The following SLC25A16 variants were observed in gnomAD, a reference collection of about 807,000 sequenced individuals.
The protein encoded by SLC25A16 is mitochondrial coenzyme A transporter SLC25A16.
SLC25A16 carries 39 observed loss-of-function variants against 41.5 expected under a neutral mutation model. The observed-to-expected ratio is 0.94, with a 90% CI of 0.73 to 1.23. The LOEUF is 1.23. SLC25A16 is among the 50% of genes most tolerant of loss of function. The pLI is 0.00. For missense variants in SLC25A16, 421 were observed against 426.9 expected (o/e 0.99, Z 0.12); for synonymous variants, 146 against 147.8 (o/e 0.99, Z 0.09).
chr10:68,509,857 C>A (rs1294044653), intron 2 of SLC25A16, among the ~76,000 whole-genome samples: 1 of 151,656 alleles, frequency 6.6e-6, no homozygotes, highest in South Asian at 2.1e-4. Flanking sequence ...CTTTGGGAGG[C>A]CAAGGCAGGC....
Position 68,527,409 on chromosome 10 carries a change from C to A in SLC25A16, c.-34G>T. On this transcript the variant is annotated 5_prime_UTR_variant, in exon 1 of 9. Transcript: ENST00000609923. Reference sequence around the variant, plus strand: ...GGGTCGCGTCAGGAGCCTAGGTTGCCAACTTACAGAACACCGGACGGGACC... The same window carrying A: ...GGGTCGCGTCAGGAGCCTAGGTTGCAAACTTACAGAACACCGGACGGGACC... 6.9e-7 allele frequency: 1 copy of A among 1,445,732 alleles called. No individual in the cohort carries two copies. Among genetic ancestry groups the A allele is most frequent in the South Asian group, 1.4e-5 (1 of 69,850 alleles). 89.6% of individuals were successfully genotyped at this position (1,445,732 alleles called of 1,614,324 possible).
chr10:68,506,839 A>C, intron 2 of SLC25A16, 121 bp from the exon 3 acceptor site: 1 of 547,828 alleles, frequency 1.8e-6, no homozygotes, highest in Non-Finnish European at 3.0e-6. Context: ...TTGAGGGATT[A>C]CATGAATAGT....
intron 6 of SLC25A16, among the ~76,000 whole-genome samples, chr10:68,490,637 C>T (rs572678804): frequency 2.8e-4 from 42 of 151,200 alleles, no homozygotes; most frequent in Admixed American, 2.4e-3. Context: ...CCACTGTACC[C>T]GGCCAGGGAA....
chr10:68,509,743 C>CTATATA lies in SLC25A16; in HGVS notation c.224-3031_224-3026dup, dbSNP rs199603840. Among the ~76,000 whole-genome samples the CTATATA allele has an allele frequency of 6.6e-3, 955 of 144,628 alleles. 19 individuals are homozygous for CTATATA. The highest frequency in any genetic ancestry group is 0.023 in the African/African-American group (892 of 38,578). The allele number at this position is 144,628 out of a possible 152,430, so 94.9% of individuals were successfully genotyped here. A position where few individuals can be genotyped will look rare whatever the true frequency, so the allele number is the denominator to read the frequency against. On this transcript the variant is annotated intron_variant, in intron 2 of 8. Coordinates refer to ENST00000609923, the MANE Select transcript of SLC25A16 (RefSeq NM_152707.4). ...TATATCTATCTATCTATATATATAT[C>CTATATA]TATATATATAGATATATAGATATAG...
At chr10:68,523,429 C>T (rs945928215) in intron 1 of SLC25A16, among the ~76,000 whole-genome samples, 2 of 151,920 alleles carry the variant, frequency 1.3e-5, no homozygotes, top group Non-Finnish European at 2.9e-5. Flanking sequence ...CCAAGCAAGT[C>T]GGAGGCACAT....
At chr10:68,501,599 G>C (rs369071672) in intron 4 of SLC25A16, among the ~76,000 whole-genome samples, 1 of 151,232 alleles carries the variant, frequency 6.6e-6, no homozygotes, top group African/African-American at 2.4e-5. Flanking sequence ...GAAGGGAAGG[G>C]AAGGAATGTT....
At chr10:68,514,456 G>A (rs1200601475) in intron 2 of SLC25A16, among the ~76,000 whole-genome samples, 8 of 151,822 alleles carry the variant, frequency 5.3e-5, no homozygotes, top group African/African-American at 1.2e-4. Context: ...AGATCACACC[G>A]CTGCACTCCA....
Position 68,483,442 on chromosome 10 carries a change from T to A in SLC25A16, c.989A>T (p.His330Leu). 6.3e-7 allele frequency: 1 copy of A among 1,582,928 alleles called. No homozygotes were observed. Among genetic ancestry groups the A allele is most frequent in the Non-Finnish European group, 8.6e-7 (1 of 1,167,980 alleles). ...TTYELMKQFF[H>L]LN is the part of the protein sequence containing the mutation. ...AACCATAATTTTTTTTTAGTTGAGG[T>A]GAAAAAACTGCTTCATAAGTTCGTA... is the stretch of plus-strand genomic sequence containing the variant. Residue 330 changes from histidine to leucine, a missense_variant, in exon 9 of 9, where the codon CAC (histidine) becomes CTC (leucine). Physicochemically the swap from His to Leu is moderately conservative, Grantham distance 99. Coordinates refer to ENST00000609923, the MANE Select transcript of SLC25A16 (RefSeq NM_152707.4).
intron 2 of SLC25A16, among the ~76,000 whole-genome samples, chr10:68,515,043 T>C (rs572059963): frequency 1.1e-4 from 16 of 147,596 alleles, no homozygotes; most frequent in Non-Finnish European, 2.2e-4. Flanking sequence ...TGGCCTAAAG[T>C]CTTGATTTTT....
At chr10:68,507,346 C>T (rs12773329) in intron 2 of SLC25A16, among the ~76,000 whole-genome samples, 6,939 of 152,080 alleles carry the variant, frequency 0.046, 172 homozygotes, top group Middle Eastern at 0.061. Context: ...GCTGGGATTA[C>T]AGGCGTGACC....
At chr10:68,518,810 T>TAAATAAA (rs1554921954) in intron 1 of SLC25A16, among the ~76,000 whole-genome samples, 7 of 94,488 alleles carry the variant, frequency 7.4e-5, no homozygotes, top group African/African-American at 2.6e-4. Context: ...AATAAATAAA[T>TAAATAAA]TAAATAAATA....
chr10:68,506,493 T>A, intron 3 of SLC25A16, 92 bp downstream of exon 3: 1 of 845,470 alleles, frequency 1.2e-6, no homozygotes, highest in Non-Finnish European at 1.7e-6. Context: ...AATATGAAAC[T>A]TTTACATATT....
At chr10:68,483,654 A>G (rs988565594) in intron 8 of SLC25A16, 66 bp from the exon 9 acceptor site, 5 of 1,402,118 alleles carry the variant, frequency 3.6e-6, no homozygotes, top group Admixed American at 4.9e-5. Context: ...CAGGATCCAT[A>G]ATATCAATTT....
chr10:68,482,397 T>C lies in SLC25A16; in HGVS notation c.*1035A>G, dbSNP rs2052494055. On this transcript the variant is annotated 3_prime_UTR_variant, in exon 9 of 9. Transcript: ENST00000609923. ...TTAATATAAAGGATAACAATTCAAA[T>C]CATATTTTACATTTCTACGTCTTCA... 1.3e-5 allele frequency: 2 copies of C among 152,586 alleles called. No homozygotes were observed. Among genetic ancestry groups the C allele is most frequent in the Admixed American group, 1.3e-4 (2 of 15,260 alleles). 9.5% of individuals were successfully genotyped at this position (152,586 alleles called of 1,614,324 possible).
chr10:68,488,269 A>G (rs2052597767), intron 7 of SLC25A16, among the ~76,000 whole-genome samples, 198 bp downstream of exon 7: 2 of 152,132 alleles, frequency 1.3e-5, no homozygotes, highest in Non-Finnish European at 1.5e-5. Flanking sequence ...AGGCAGCACT[A>G]CTGCATCCAA....
Position 68,481,467 on chromosome 10 carries a change from CCTT to C in SLC25A16, c.*1962_*1964del, listed in dbSNP as rs1278199619. On this transcript the variant is annotated 3_prime_UTR_variant, in exon 9 of 9. Transcript: ENST00000609923. Reference sequence around the variant, plus strand: ...AAAATAACACTTTCAACTTAGTTTTCCTTCTTTTGTTTGAAAGAAACGGGGTCT... The same window carrying C: ...AAAATAACACTTTCAACTTAGTTTTCCTTTTGTTTGAAAGAAACGGGGTCT... 3.3e-5 allele frequency: 5 copies of C among 152,042 alleles called. No homozygotes were observed. The highest frequency in any genetic ancestry group is 3.3e-4 in the Admixed American group (5 of 15,242). 9.4% of individuals were successfully genotyped at this position (152,042 alleles called of 1,614,324 possible). A position where few individuals can be genotyped will look rare whatever the true frequency, so the allele number is the denominator to read the frequency against.
intron 2 of SLC25A16, among the ~76,000 whole-genome samples, chr10:68,514,616 T>A (rs2053127957): frequency 6.6e-6 from 1 of 152,224 alleles, no homozygotes; most frequent in Non-Finnish European, 1.5e-5. Context: ...AGGTACTTTT[T>A]GAGACTTTTA....
At chr10:68,489,273 C>CACAAA (rs78729360) in intron 6 of SLC25A16, among the ~76,000 whole-genome samples, 13,447 of 151,764 alleles carry the variant, frequency 0.089, 905 homozygotes, top group South Asian at 0.25. Context: ...CTGTCTCAAA[C>CACAAA]ACAAAACAAA....
intron 2 of SLC25A16, among the ~76,000 whole-genome samples, chr10:68,511,742 G>C (rs2053066865): frequency 1.3e-5 from 2 of 152,104 alleles, no homozygotes; most frequent in African/African-American, 2.4e-5. Flanking sequence ...GCCCAGGCTG[G>C]AGTGCAGTGG....
Sources: allele counts gnomAD v4.1 joint callset (sites outside exome capture counted in the v4.1 genomes callset), GRCh38; gene constraint gnomAD v4.1.1; transcripts MANE v1.5; gene names NCBI Gene and HGNC (gene_info 2026-07-23, HGNC 2026-07-21).